The following NBDY variants were observed in gnomAD, a reference collection of about 807,000 sequenced individuals.
NBDY encodes the protein P-body dissociating protein.
At chrX:56,787,261 G>A (rs1425661881) in intron 2 of NBDY, among the ~76,000 whole-genome samples, 3 of 110,097 alleles carry the variant, frequency 2.7e-5, no homozygotes, top group Non-Finnish European at 3.8e-5. Context: ...ACAGACACAT[G>A]CACACACAGA....
At chrX:56,791,606 C>T (rs183852963) in intron 2 of NBDY, among the ~76,000 whole-genome samples, 57 of 111,424 alleles carry the variant, frequency 5.1e-4, no homozygotes, top group African/African-American at 1.9e-3. Flanking sequence ...AAAGAAGCTT[C>T]CTGATTATTT....
At position 56,787,956 on chromosome X, in the gene NBDY, G is replaced by A. The variant is rs540997030; in HGVS notation, c.*167-29364G>A. Among the ~76,000 whole-genome samples the A allele has an allele frequency of 6.2e-5, 7 of 112,884 alleles. No individual in the cohort carries two copies. In the South Asian group the frequency reaches 1.1e-3, roughly 18 times the overall value. On this transcript the variant is annotated intron_variant, in intron 2 of 2. Coordinates refer to ENST00000374922, the MANE Select transcript of NBDY (RefSeq NM_001348129.2). Reference sequence around the variant, plus strand: ...GGGCAAATCCTTGTATAAGACAGCCGAGTGGCCAGCGCCTCGTCCTGGAGC... The same window carrying A: ...GGGCAAATCCTTGTATAAGACAGCCAAGTGGCCAGCGCCTCGTCCTGGAGC...
At chrX:56,755,881 G>T (rs2069608265) in intron 2 of NBDY, among the ~76,000 whole-genome samples, 1 of 104,645 alleles carries the variant, frequency 9.6e-6, no homozygotes, top group Admixed American at 1.0e-4. Flanking sequence ...GCAAAGACTT[G>T]GAACCAACCC....
chrX:56,788,494 G>A (rs1399841263), intron 2 of NBDY, among the ~76,000 whole-genome samples: 1 of 112,754 alleles, frequency 8.9e-6, no homozygotes, highest in Non-Finnish European at 1.9e-5. Flanking sequence ...TCCCAGGATG[G>A]TGCCCTGGCT....
intron 2 of NBDY, among the ~76,000 whole-genome samples, chrX:56,787,250 C>A (rs1409798627): frequency 9.0e-6 from 1 of 110,677 alleles, no homozygotes; most frequent in Non-Finnish European, 1.9e-5. Flanking sequence ...CACACATGCA[C>A]ACAGACACAT....
chrX:56,790,308 C>T (rs1200730575), intron 2 of NBDY, among the ~76,000 whole-genome samples: 6 of 112,374 alleles, frequency 5.3e-5, no homozygotes, highest in African/African-American at 1.9e-4. Context: ...GTAGACCACA[C>T]TGTGAACAAG....
At chrX:56,784,816 C>T (rs908786259) in intron 2 of NBDY, among the ~76,000 whole-genome samples, 4 of 111,722 alleles carry the variant, frequency 3.6e-5, no homozygotes, top group South Asian at 3.7e-4. Context: ...TCCAGGCAGA[C>T]GTAAGAAATC....
chrX:56,815,990 C>T (rs764328271), intron 2 of NBDY, among the ~76,000 whole-genome samples: 5 of 111,116 alleles, frequency 4.5e-5, no homozygotes, highest in African/African-American at 9.7e-5. Context: ...TTAATGCCTT[C>T]GTATTATATT....
intron 2 of NBDY, among the ~76,000 whole-genome samples, chrX:56,741,442 A>T (rs2069531989): frequency 8.9e-6 from 1 of 111,809 alleles, no homozygotes; most frequent in African/African-American, 3.2e-5. Context: ...TGGTTGTACT[A>T]ATTTACATTC....
At chrX:56,783,388 A>G (rs1046043047) in intron 2 of NBDY, among the ~76,000 whole-genome samples, 18 of 113,198 alleles carry the variant, frequency 1.6e-4, no homozygotes, top group Admixed American at 8.3e-4. Flanking sequence ...AGGGCATCCC[A>G]GAACTGCCCA....
At chrX:56,759,264 A>G (rs888142973) in intron 2 of NBDY, among the ~76,000 whole-genome samples, 1 of 112,035 alleles carries the variant, frequency 8.9e-6, no homozygotes, top group Non-Finnish European at 1.9e-5. Context: ...TGGCAGCCCT[A>G]TGATCCCAGT....
chrX:56,812,993 GA>G (rs945182485), intron 2 of NBDY, among the ~76,000 whole-genome samples: 11 of 110,243 alleles, frequency 1.0e-4, no homozygotes, highest in Admixed American at 2.9e-4. Context: ...TGAACAATGA[GA>G]ACACTTGGAC....
chrX:56,806,761 G>T (rs1176520676), intron 2 of NBDY, among the ~76,000 whole-genome samples: 2 of 111,675 alleles, frequency 1.8e-5, no homozygotes, highest in Non-Finnish European at 3.8e-5. Context: ...CCATTCTGTA[G>T]GTTGCCTTTT....
chrX:56,813,958 T>A (rs2069898981), intron 2 of NBDY, among the ~76,000 whole-genome samples: 1 of 112,167 alleles, frequency 8.9e-6, no homozygotes, highest in Non-Finnish European at 1.9e-5. Context: ...AGTCTGATTC[T>A]TTTGTCTTTT....
At chrX:56,735,321 G>T (rs917552510) in intron 2 of NBDY, among the ~76,000 whole-genome samples, 7 of 112,408 alleles carry the variant, frequency 6.2e-5, no homozygotes, top group African/African-American at 2.3e-4. Flanking sequence ...GGTCTCGTTT[G>T]GAAGAATGAA....
intron 2 of NBDY, among the ~76,000 whole-genome samples, chrX:56,736,315 A>G (rs1299018241): frequency 8.9e-6 from 1 of 112,164 alleles, no homozygotes; most frequent in Non-Finnish European, 1.9e-5. Context: ...CTCAGGCTGA[A>G]GTGCAGTGGC....
At chrX:56,788,796 T>C (rs1395080717) in intron 2 of NBDY, among the ~76,000 whole-genome samples, 1 of 112,216 alleles carries the variant, frequency 8.9e-6, no homozygotes, top group Non-Finnish European at 1.9e-5. Context: ...AGCTTCACTG[T>C]GTGGACTGAC....
intron 2 of NBDY, among the ~76,000 whole-genome samples, chrX:56,804,268 G>T (rs1284049138): frequency 8.9e-6 from 1 of 112,170 alleles, no homozygotes; most frequent in Non-Finnish European, 1.9e-5. Flanking sequence ...TCCATAGATT[G>T]TTGACCCTTC....
At chrX:56,812,332 G>A (rs1433607713) in intron 2 of NBDY, among the ~76,000 whole-genome samples, 1 of 110,214 alleles carries the variant, frequency 9.1e-6, no homozygotes, top group Non-Finnish European at 1.9e-5. Context: ...AAAATTAGAT[G>A]GATCCTGGCT....
Sources: allele counts gnomAD v4.1 joint callset (sites outside exome capture counted in the v4.1 genomes callset), GRCh38; gene constraint gnomAD v4.1.1; transcripts MANE v1.5; gene names NCBI Gene and HGNC (gene_info 2026-07-23, HGNC 2026-07-21).